The following FAF1 variants were observed in gnomAD, a reference collection of about 807,000 sequenced individuals.
The protein encoded by FAF1 is Fas associated factor 1, also known as FAS-associated factor 1.
FAF1 carries 25 observed loss-of-function variants against 92.5 expected under a neutral mutation model. The observed-to-expected ratio is 0.27, with a 90% CI of 0.20 to 0.38. FAF1 has a LOEUF of 0.38. Ranked by LOEUF, FAF1 falls within the 10% of genes least tolerant of loss-of-function variation. FAF1 has a pLI of 1.00. For missense variants in FAF1, 636 were observed against 793.3 expected (o/e 0.80, Z 2.38); for synonymous variants, 234 against 273.2 (o/e 0.86, Z 1.42).
intron 1 of FAF1, among the ~76,000 whole-genome samples, chr1:50,937,902 TA>T (rs1645100326): frequency 6.6e-6 from 1 of 152,180 alleles, no homozygotes; most frequent in African/African-American, 2.4e-5. Context: ...CCATGTCGGG[TA>T]ATATGTATTT....
intron 18 of FAF1, among the ~76,000 whole-genome samples, chr1:50,474,780 A>G (rs957405576): frequency 1.3e-5 from 2 of 152,216 alleles, no homozygotes; most frequent in Non-Finnish European, 2.9e-5. Context: ...TAAATCTGAT[A>G]AAGTCTTCAT....
intron 1 of FAF1, among the ~76,000 whole-genome samples, chr1:50,957,833 C>T (rs1645281585): frequency 6.6e-6 from 1 of 152,040 alleles, no homozygotes; most frequent in Admixed American, 6.6e-5. Flanking sequence ...AAAATTAAAA[C>T]AAAGTTATAA....
intron 7 of FAF1, among the ~76,000 whole-genome samples, chr1:50,673,321 T>C (rs1655981156): frequency 6.6e-6 from 1 of 152,120 alleles, no homozygotes; most frequent in African/African-American, 2.4e-5. Flanking sequence ...CTAGAATAAT[T>C]TCCCAATGGA....
At chr1:50,841,700 G>A (rs1275800647) in intron 2 of FAF1, among the ~76,000 whole-genome samples, 1 of 151,940 alleles carries the variant, frequency 6.6e-6, no homozygotes, top group Non-Finnish European at 1.5e-5. Context: ...TAGCCAATCT[G>A]TTAACATGGC....
At chr1:50,835,412 A>C (rs903947118) in intron 2 of FAF1, among the ~76,000 whole-genome samples, 4 of 152,118 alleles carry the variant, frequency 2.6e-5, no homozygotes, top group Admixed American at 2.0e-4. Flanking sequence ...CCTAAATTCA[A>C]ATCCCCTAGT....
At chr1:50,535,209 G>C (rs1173350795) in intron 15 of FAF1, among the ~76,000 whole-genome samples, 160 bp downstream of exon 15, 2 of 152,110 alleles carry the variant, frequency 1.3e-5, no homozygotes, top group Non-Finnish European at 2.9e-5. Flanking sequence ...AGAATGGACT[G>C]AAAGGTAAAC....
intron 4 of FAF1, among the ~76,000 whole-genome samples, chr1:50,771,869 C>T (rs1660786369): frequency 6.6e-6 from 1 of 152,198 alleles, no homozygotes; most frequent in South Asian, 2.1e-4. Flanking sequence ...CCATTGCACG[C>T]TAGCCTGGGT....
At position 50,627,845 on chromosome 1, in the gene FAF1, T is replaced by TA. The variant is rs753871408; in HGVS notation, c.744+27596dup. 6.8e-4 allele frequency among the ~76,000 whole-genome samples: 103 copies of TA among 151,562 alleles called. 1 individual carries two copies. In the East Asian group the frequency reaches 0.018, roughly 26 times the overall value. On this transcript the variant is annotated intron_variant, in intron 8 of 18. Coordinates refer to ENST00000396153, the MANE Select transcript of FAF1 (RefSeq NM_007051.3). ...GTTTTCAACAAAACATTTTTTTTTTTAAATGCTGCTAAGAAGTCAAGAACA... is the reference window on the plus strand; with the variant it reads ...GTTTTCAACAAAACATTTTTTTTTTTAAAATGCTGCTAAGAAGTCAAGAACA...
At chr1:50,564,962 T>G in intron 13 of FAF1, among the ~76,000 whole-genome samples, 1 of 152,082 alleles carries the variant, frequency 6.6e-6, no homozygotes, top group East Asian at 1.9e-4. Flanking sequence ...TTTGTTTTTT[T>G]TTTATTACTT....
chr1:50,439,584 A>C lies in FAF1; in HGVS notation c.*1856T>G, dbSNP rs1302731395. ...ATGGAACAGGTTAAACATGAAGGTGAATTCAGAGTACCTTCCCTCAAACCC... is the reference window on the plus strand; with the variant it reads ...ATGGAACAGGTTAAACATGAAGGTGCATTCAGAGTACCTTCCCTCAAACCC... On this transcript the variant is annotated 3_prime_UTR_variant, in exon 19 of 19. Transcript: ENST00000396153. 1 of 152,182 alleles carries C rather than the reference A, an allele frequency of 6.6e-6. No individual in the cohort carries two copies. The highest frequency in any genetic ancestry group is 1.5e-5 in the Non-Finnish European group (1 of 68,048). The allele number at this position is 152,182 out of a possible 1,614,324, so 9.4% of individuals were successfully genotyped here. A position where few individuals can be genotyped will look rare whatever the true frequency, so the allele number is the denominator to read the frequency against.
Position 50,490,594 on chromosome 1 carries a change from T to C in FAF1, c.1647A>G (p.Glu549=). 6.2e-7 allele frequency: 1 copy of C among 1,607,256 alleles called. No homozygotes were observed. Among genetic ancestry groups the C allele is most frequent in the Non-Finnish European group, 8.5e-7 (1 of 1,173,786 alleles). Residue 549 remains glutamate (E), a synonymous_variant, in exon 17 of 19, where the codon GAA becomes GAG. Transcript: ENST00000396153. ...LEQIRKEQEE[E]REAIRLSLEQ... Reference sequence around the variant, plus strand: ...TCTTAAAATTATGCCCCACCTCACGTTCCTCTTCTTGTTCTTTGCGAATCT... The same window carrying C: ...TCTTAAAATTATGCCCCACCTCACGCTCCTCTTCTTGTTCTTTGCGAATCT...
At chr1:50,488,223 C>G (rs532217536) in intron 17 of FAF1, among the ~76,000 whole-genome samples, 40 of 152,274 alleles carry the variant, frequency 2.6e-4, no homozygotes, top group Admixed American at 6.5e-4. Context: ...TCCTCTCCCC[C>G]ACTGTACCCC....
At chr1:50,802,214 C>T (rs374920219) in intron 2 of FAF1, among the ~76,000 whole-genome samples, 1 of 152,120 alleles carries the variant, frequency 6.6e-6, no homozygotes, top group African/African-American at 2.4e-5. Context: ...CCTCAGCCTC[C>T]TGAATAGCTA....
chr1:50,952,160 C>A (rs573605746), intron 1 of FAF1, among the ~76,000 whole-genome samples: 1 of 152,242 alleles, frequency 6.6e-6, no homozygotes, highest in Admixed American at 6.5e-5. Context: ...GATGCCCAGC[C>A]GAGGCTGGAC....
chr1:50,819,638 T>TCACTCACA, intron 2 of FAF1, among the ~76,000 whole-genome samples: 1 of 97,822 alleles, frequency 1.0e-5, no homozygotes, highest in Non-Finnish European at 2.0e-5. Context: ...ACTGACTCAC[T>TCACTCACA]CACACACACA....
chr1:50,774,211 C>T (rs1476902000), intron 4 of FAF1, among the ~76,000 whole-genome samples: 1 of 152,108 alleles, frequency 6.6e-6, no homozygotes, highest in Non-Finnish European at 1.5e-5. Context: ...ATTTCATTGT[C>T]ATTTCATGCT....
chr1:50,790,217 C>G (rs1661512684), intron 3 of FAF1, among the ~76,000 whole-genome samples: 1 of 152,130 alleles, frequency 6.6e-6, no homozygotes, highest in African/African-American at 2.4e-5. Context: ...TCTTGGCTCA[C>G]TGCAGCCTCC....
chr1:50,763,015 G>T (rs1660392622), intron 4 of FAF1, among the ~76,000 whole-genome samples: 1 of 152,088 alleles, frequency 6.6e-6, no homozygotes, highest in African/African-American at 2.4e-5. Context: ...CAGCACTTTG[G>T]GAGGCCAAGG....
chr1:50,667,776 T>A (rs574341775), intron 7 of FAF1, among the ~76,000 whole-genome samples: 1 of 152,318 alleles, frequency 6.6e-6, no homozygotes, highest in African/African-American at 2.4e-5. Context: ...GAAAAAAGAT[T>A]TTTTTTCCTT....
Sources: allele counts gnomAD v4.1 joint callset (sites outside exome capture counted in the v4.1 genomes callset), GRCh38; gene constraint gnomAD v4.1.1; transcripts MANE v1.5; gene names NCBI Gene and HGNC (gene_info 2026-07-23, HGNC 2026-07-21).